The following TIMP3 variants were observed in gnomAD, a reference collection of about 807,000 sequenced individuals.
TIMP3 encodes TIMP metallopeptidase inhibitor 3, also known as metalloproteinase inhibitor 3.
Under a neutral mutation model 30.0 loss-of-function variants are expected in TIMP3, and 11 were observed. The observed-to-expected ratio is 0.37, with a 90% CI of 0.23 to 0.61. The LOEUF (loss-of-function observed/expected upper bound fraction) is 0.61, where lower values mean the gene tolerates loss of function less well. Among genes scored for constraint, TIMP3 ranks in the 20% least tolerant of loss-of-function variants. The pLI is 0.70. For synonymous variants in TIMP3, 112 were observed against 111.3 expected, an observed-to-expected ratio of 1.01 and a Z score of -0.04; for missense variants, 181 against 276.8, an observed-to-expected ratio of 0.65 and a Z score of 2.45.
intron 1 of TIMP3, among the ~76,000 whole-genome samples, chr22:32,840,946 G>C (rs2047883176): frequency 6.6e-6 from 1 of 152,132 alleles, no homozygotes; most frequent in Non-Finnish European, 1.5e-5. Context: ...TCACAATACT[G>C]AAACACCTTC....
rs1311660238 is a variant in TIMP3, at chr22:32,862,255, T to C, written c.*2878T>C. The C allele has an allele frequency of 2.0e-5, 3 of 152,284 alleles. No homozygotes were observed. Among genetic ancestry groups the C allele is most frequent in the African/African-American group, 7.2e-5 (3 of 41,460 alleles). The allele number at this position is 152,284 out of a possible 1,614,324, so 9.4% of individuals were successfully genotyped here. A position where few individuals can be genotyped will look rare whatever the true frequency, so the allele number is the denominator to read the frequency against. On this transcript the variant is annotated 3_prime_UTR_variant, in exon 5 of 5. Transcript: ENST00000266085. ...GGGAGATACAATTCCAAGTTCTCGC[T>C]TCCTCCTTTGGGCATCTCTTCTGCC...
intron 1 of TIMP3, among the ~76,000 whole-genome samples, chr22:32,804,195 A>G (rs1425474786): frequency 6.6e-6 from 1 of 152,180 alleles, no homozygotes; most frequent in African/African-American, 2.4e-5. Context: ...ACGGATCCCA[A>G]ATTGTTCTGC....
chr22:32,838,581 T>C (rs2047802896), intron 1 of TIMP3, among the ~76,000 whole-genome samples: 1 of 152,180 alleles, frequency 6.6e-6, no homozygotes, highest in African/African-American at 2.4e-5. Flanking sequence ...GGGGGTCTCC[T>C]GTAATAGGGT....
rs1396497287 is a variant in TIMP3 at position 32,860,826 on chromosome 22, C to T, written c.*1449C>T. ...CTAGCTCCCTGGTGGGTGAATGCCACCTCCTGAGATCCTCACCTCTTGGAA... is the reference window on the plus strand; with the variant it reads ...CTAGCTCCCTGGTGGGTGAATGCCATCTCCTGAGATCCTCACCTCTTGGAA... On this transcript the variant is annotated 3_prime_UTR_variant, in exon 5 of 5. Transcript: ENST00000266085. 6.6e-6 allele frequency: 1 copy of T among 151,956 alleles called. No individual in the cohort carries two copies. The highest frequency in any genetic ancestry group is 1.5e-5 in the Non-Finnish European group (1 of 67,996). The allele number at this position is 151,956 out of a possible 1,614,324, so 9.4% of individuals were successfully genotyped here.
chr22:32,809,317 C>T (rs1332835087), intron 1 of TIMP3, among the ~76,000 whole-genome samples: 2 of 152,164 alleles, frequency 1.3e-5, no homozygotes, highest in Non-Finnish European at 2.9e-5. Flanking sequence ...ACCCATTTTG[C>T]GACCTCTCCA....
intron 1 of TIMP3, among the ~76,000 whole-genome samples, chr22:32,805,973 G>A (rs1403720923): frequency 2.0e-5 from 3 of 151,974 alleles, no homozygotes; most frequent in African/African-American, 7.2e-5. Context: ...GTATCATAGA[G>A]GAAAATTCTA....
rs574782167 is a variant in TIMP3 at position 32,825,637 on chromosome 22, G to A, written c.121+23515G>A. The stretch of plus-strand genomic sequence containing the variant: ...CATGCCACTGCACTCCAGCCTGGGC[G>A]ACAGAGCGAGTTTCCATCTCAAAAA... On this transcript the variant is annotated intron_variant, in intron 1 of 4. Transcript: ENST00000266085. 5.4e-4 allele frequency among the ~76,000 whole-genome samples: 63 copies of A among 116,716 alleles called. No homozygotes were observed. The South Asian group carries it at 0.019, about 35-fold the overall frequency. 76.6% of individuals were successfully genotyped at this position (116,716 alleles called of 152,430 possible). A position where few individuals can be genotyped will look rare whatever the true frequency, so the allele number is the denominator to read the frequency against.
chr22:32,823,645 G>T (rs746131879), intron 1 of TIMP3, among the ~76,000 whole-genome samples: 1 of 152,176 alleles, frequency 6.6e-6, no homozygotes, highest in Non-Finnish European at 1.5e-5. Context: ...GCAGGTCTCT[G>T]GACAGACAGC....
intron 2 of TIMP3, among the ~76,000 whole-genome samples, chr22:32,850,797 C>A (rs1022598251): frequency 6.6e-5 from 10 of 152,258 alleles, no homozygotes; most frequent in African/African-American, 2.4e-4. Flanking sequence ...GAGGGTGAGA[C>A]CCCACAGGCC....
chr22:32,846,106 G>T (rs2048055438), intron 1 of TIMP3, among the ~76,000 whole-genome samples: 1 of 152,152 alleles, frequency 6.6e-6, no homozygotes, highest in Non-Finnish European at 1.5e-5. Context: ...GGAAAACACT[G>T]ATGTGGCCTC....
chr22:32,855,871 C>T (rs2048349009), intron 2 of TIMP3, among the ~76,000 whole-genome samples: 1 of 152,210 alleles, frequency 6.6e-6, no homozygotes, highest in Non-Finnish European at 1.5e-5. Flanking sequence ...CAAATATCAG[C>T]AATTTCACGT....
intron 1 of TIMP3, among the ~76,000 whole-genome samples, chr22:32,805,246 C>T (rs990328571): frequency 2.0e-5 from 3 of 152,094 alleles, no homozygotes; most frequent in Non-Finnish European, 2.9e-5. Context: ...GCTGGGGGGC[C>T]GGCTGCCAGC....
rs890988419 is a variant in TIMP3, at chr22:32,862,105, T to C, written c.*2728T>C. The C allele has an allele frequency of 5.2e-5, 8 of 152,390 alleles. No individual in the cohort carries two copies. The highest frequency in any genetic ancestry group is 1.9e-4 in the African/African-American group (8 of 41,380). The allele number at this position is 152,390 out of a possible 1,614,324, so 9.4% of individuals were successfully genotyped here. On this transcript the variant is annotated 3_prime_UTR_variant, in exon 5 of 5. Transcript: ENST00000266085. ...AATGGCTCCTGGAGTAGGAAAAAAG[T>C]TTAAACTACATTCATGTTCTTGTTC... is the stretch of plus-strand genomic sequence containing the variant.
intron 1 of TIMP3, among the ~76,000 whole-genome samples, chr22:32,831,423 T>G (rs2047570003): frequency 1.3e-5 from 2 of 152,162 alleles, no homozygotes; most frequent in Non-Finnish European, 2.9e-5. Flanking sequence ...CTGTTTCAGC[T>G]ACTTCAAAGC....
intron 1 of TIMP3, among the ~76,000 whole-genome samples, chr22:32,812,615 A>G (rs776606526): frequency 6.6e-6 from 1 of 152,204 alleles, no homozygotes; most frequent in Non-Finnish European, 1.5e-5. Flanking sequence ...TCCACAGCCT[A>G]CCTGAGCAGT....
Position 32,820,269 on chromosome 22 carries a change from CGTGT to C in TIMP3, c.121+18163_121+18166del, listed in dbSNP as rs374591413. On this transcript the variant is annotated intron_variant, in intron 1 of 4. Transcript: ENST00000266085. ...GTGTGTGTGTGTGTGTGTGCGTGCG[CGTGT>C]GTGTGTGTGTGTGTGGTGTGTGTGG... Among the ~76,000 whole-genome samples the C allele has an allele frequency of 1.5e-3, 224 of 144,984 alleles. 2 individuals are homozygous for C. The East Asian group carries it at 0.035, about 23-fold the overall frequency.
At chr22:32,825,214 C>G (rs948886731) in intron 1 of TIMP3, among the ~76,000 whole-genome samples, 7 of 152,250 alleles carry the variant, frequency 4.6e-5, no homozygotes, top group Admixed American at 3.9e-4. Context: ...CTTAGTTATA[C>G]TGAATGCTGC....
Position 32,859,708 on chromosome 22 carries a change from C to A in TIMP3, c.*331C>A, listed in dbSNP as rs975853753. On this transcript the variant is annotated 3_prime_UTR_variant, in exon 5 of 5. Coordinates refer to ENST00000266085, the MANE Select transcript of TIMP3 (RefSeq NM_000362.5). The stretch of plus-strand genomic sequence containing the variant: ...AGGAAAACAAAAATGAAAAACTACT[C>A]CATTTGAGGATTGTAATTCCCACCC... 1.6e-5 allele frequency: 5 copies of A among 321,516 alleles called. No individual in the cohort carries two copies. Among genetic ancestry groups the A allele is most frequent in the African/African-American group, 1.1e-4 (5 of 46,210 alleles). The allele number at this position is 321,516 out of a possible 1,614,324, so 19.9% of individuals were successfully genotyped here. A position where few individuals can be genotyped will look rare whatever the true frequency, so the allele number is the denominator to read the frequency against.
rs1601555560 is a variant in TIMP3, at chr22:32,857,374, C to T, written c.316+14C>T. ...ACCTGCTGACAGGTAATGGCCAACT[C>T]TAGCTTCTAGGCCAGGGTTTGGCCA... On this transcript the variant is annotated intron_variant, in intron 3 of 4. Coordinates refer to ENST00000266085, the MANE Select transcript of TIMP3 (RefSeq NM_000362.5). 1.9e-6 allele frequency: 3 copies of T among 1,601,736 alleles called. No individual in the cohort carries two copies. Among genetic ancestry groups the T allele is most frequent in the Admixed American group, 1.7e-5 (1 of 59,978 alleles).
Sources: gnomAD v4.1 joint callset for allele counts (sites outside exome capture counted in the v4.1 genomes callset) on GRCh38, gnomAD v4.1.1 for gene constraint, MANE v1.5 for transcripts, NCBI Gene and HGNC (gene_info 2026-07-23, HGNC 2026-07-21) for gene names.